The following APBB3 variants were observed in gnomAD, a reference collection of about 807,000 sequenced individuals.
The protein encoded by APBB3 is amyloid beta precursor protein binding family B member 3.
Under a neutral mutation model 61.5 loss-of-function variants are expected in APBB3, and 50 were observed. That is an observed-to-expected ratio of 0.81 (90% CI 0.65 to 1.03). The LOEUF (loss-of-function observed/expected upper bound fraction) is 1.03, where lower values mean the gene tolerates loss of function less well. Ranked by LOEUF, APBB3 falls within the 50% of genes least tolerant of loss-of-function variation. The pLI, the probability that APBB3 is intolerant of heterozygous loss-of-function variation, is 0.00. For missense variants in APBB3, 550 were observed against 637.4 expected, an observed-to-expected ratio of 0.86 and a Z score of 1.48; for synonymous variants, 235 against 233.0, an observed-to-expected ratio of 1.01 and a Z score of -0.08.
chr5:140,558,888 G>C (rs1459936190), intron 12 of APBB3, 67 bp from the exon 13 acceptor site: 1 of 1,444,644 alleles, frequency 6.9e-7, no homozygotes, highest in African/African-American at 1.4e-5. Context: ...AGCTTCTGCA[G>C]GACAGGGAAC....
chr5:140,563,707 T>C lies in APBB3; in HGVS notation c.214-37A>G, dbSNP rs1462397240. 3.7e-6 allele frequency: 6 copies of C among 1,613,928 alleles called. No individual in the cohort carries two copies. The East Asian group carries it at 1.3e-4, about 36-fold the overall frequency. On this transcript the variant is annotated intron_variant, in intron 2 of 12. Transcript: ENST00000357560. ...GAGTTAGTCAGTTTAACAGCAGACC[T>C]AGGTCCACACATGGGCTCAGACCTC...
At position 140,564,373 on chromosome 5, in the gene APBB3, AATACGGGGCGGG is replaced by A; in HGVS notation, c.-140_-129del. On this transcript the variant is annotated 5_prime_UTR_variant, in exon 1 of 13. Transcript: ENST00000357560. This position sits in a 1 kb window ranked among gnomAD's most constrained non-coding sequence, Gnocchi z 5.0. Reference sequence around the variant, plus strand: ...CTGCGGGGCCAGCTGGCGCCGCACAAATACGGGGCGGGACACGGGGCGGGACACGGGCCGGTC... The same window carrying A: ...CTGCGGGGCCAGCTGGCGCCGCACAAACACGGGGCGGGACACGGGCCGGTC... 8.5e-7 allele frequency: 1 copy of A among 1,182,464 alleles called. No individual in the cohort carries two copies. The highest frequency in any genetic ancestry group is 1.2e-6 in the Non-Finnish European group (1 of 835,346). The allele number at this position is 1,182,464 out of a possible 1,614,324, so 73.2% of individuals were successfully genotyped here.
chr5:140,558,278 G>T lies in APBB3; in HGVS notation c.*307C>A. ...TATACTCACATCCAGTGAGGTCACT[G>T]AGGGATTTTTATTTGCACTGATTTT... is the stretch of plus-strand genomic sequence containing the variant. On this transcript the variant is annotated 3_prime_UTR_variant, in exon 13 of 13. Transcript: ENST00000357560. 1 of 423,950 alleles carries T rather than the reference G, an allele frequency of 2.4e-6. No individual in the cohort carries two copies. Among genetic ancestry groups the T allele is most frequent in the African/African-American group, 2.1e-5 (1 of 48,496 alleles). 26.3% of individuals were successfully genotyped at this position (423,950 alleles called of 1,614,324 possible).
chr5:140,563,470 G>A (rs1043860661), intron 3 of APBB3, 124 bp downstream of exon 3: 6 of 1,119,564 alleles, frequency 5.4e-6, no homozygotes, highest in Non-Finnish European at 8.0e-6. Context: ...AGCCAAGAAC[G>A]TAACAGAACC....
At position 140,560,760 on chromosome 5, in the gene APBB3, G is replaced by A. The variant is rs146122293; in HGVS notation, c.917-6C>T. The A allele has an allele frequency of 6.8e-4, 1,097 of 1,611,950 alleles. 9 individuals carry two copies. In the African/African-American group the frequency reaches 0.013, roughly 20 times the overall value. ...CTCGTTCAGCACATCCATGCCTGGG[G>A]GAACATACCCAGCGTGTCTCCCAGT... On this transcript the variant is annotated splice_region_variant and splice_polypyrimidine_tract_variant and intron_variant, in intron 10 of 12. Coordinates refer to ENST00000357560, the MANE Select transcript of APBB3 (RefSeq NM_133173.3). The surrounding 1 kb of genome is among the most constrained non-coding windows in gnomAD (Gnocchi z 5.1).
In APBB3 at chr5:140,560,531, A is replaced by G; in HGVS notation, c.1033-27T>C. 6.2e-7 allele frequency: 1 copy of G among 1,608,608 alleles called. No homozygotes were observed. Among genetic ancestry groups the G allele is most frequent in the East Asian group, 2.2e-5 (1 of 44,640 alleles). On this transcript the variant is annotated intron_variant, in intron 11 of 12. Coordinates refer to ENST00000357560, the MANE Select transcript of APBB3 (RefSeq NM_133173.3). The surrounding 1 kb of genome is among the most constrained non-coding windows in gnomAD (Gnocchi z 5.1). ...TGCCCACACCAGGCCTAGTCACTAG[A>G]GGGCCAAGCACGGGCCAGACCCACT...
Position 140,564,188 on chromosome 5 carries a change from C to G in APBB3, c.49+9G>C. 4.3e-6 allele frequency: 7 copies of G among 1,614,078 alleles called. No individual in the cohort carries two copies. The highest frequency in any genetic ancestry group is 4.2e-6 in the Non-Finnish European group (5 of 1,180,028). On this transcript the variant is annotated intron_variant, in intron 1 of 12. Transcript: ENST00000357560. This position sits in a 1 kb window ranked among gnomAD's most constrained non-coding sequence, Gnocchi z 5.0. ...TCCTGGTCTTCCCACCGGGCCCCTC[C>G]GTGCACACCATCGCAGTTGACCAGA...
Position 140,564,336 on chromosome 5 carries a change from C to G in APBB3, c.-91G>C. The G allele has an allele frequency of 6.6e-7, 1 of 1,516,296 alleles. No homozygotes were observed. The highest frequency in any genetic ancestry group is 9.0e-7 in the Non-Finnish European group (1 of 1,111,956). 93.9% of individuals were successfully genotyped at this position (1,516,296 alleles called of 1,614,324 possible). A position where few individuals can be genotyped will look rare whatever the true frequency, so the allele number is the denominator to read the frequency against. On this transcript the variant is annotated 5_prime_UTR_variant, in exon 1 of 13. Transcript: ENST00000357560. The surrounding 1 kb of genome is among the most constrained non-coding windows in gnomAD (Gnocchi z 5.0). ...TACTGCGCCTGCAAGCCCAGCCTCT[C>G]TGCGCCGCAGGCTGCGGGGCCAGCT...
In APBB3 at chr5:140,558,601, A is replaced by G. The variant is rs145787718; in HGVS notation, c.1445T>C (p.Leu482Pro). The change falls in exon 13 of 13, where the codon CTG becomes CCG. Residue 482 changes from leucine (L) to proline (P), a missense_variant. Transcript: ENST00000357560. ...CAGATAAGTTTAGGGCATATGGAGC[A>G]GAGAGGGTTTCAGCCGGAAGGCATC... The part of the protein sequence containing the change: ...FLDAFRLKPS[L>P]LHMP 2 of 1,614,084 alleles carry G rather than the reference A, an allele frequency of 1.2e-6. No homozygotes were observed. Among genetic ancestry groups the G allele is most frequent in the Non-Finnish European group, 1.7e-6 (2 of 1,180,014 alleles).
Position 140,564,358 on chromosome 5 carries a change from A to G in APBB3, c.-113T>C. On this transcript the variant is annotated 5_prime_UTR_variant, in exon 1 of 13. Transcript: ENST00000357560. This position sits in a 1 kb window ranked among gnomAD's most constrained non-coding sequence, Gnocchi z 5.0. ...TCTCTGCGCCGCAGGCTGCGGGGCC[A>G]GCTGGCGCCGCACAAATACGGGGCG... is the stretch of plus-strand genomic sequence containing the variant. The G allele has an allele frequency of 3.0e-6, 4 of 1,336,522 alleles. No homozygotes were observed. Among genetic ancestry groups the G allele is most frequent in the Non-Finnish European group, 4.2e-6 (4 of 962,582 alleles). The allele number at this position is 1,336,522 out of a possible 1,614,324, so 82.8% of individuals were successfully genotyped here.
At chr5:140,562,768 A>G (rs748105061) in intron 3 of APBB3, 45 bp from the exon 4 acceptor site, 9 of 1,601,082 alleles carry the variant, frequency 5.6e-6, no homozygotes, top group Non-Finnish European at 7.7e-6. Flanking sequence ...TTCCTACAGT[A>G]GGGACACTGG....
Position 140,560,282 on chromosome 5 carries a change from T to TACCCCCC in APBB3, c.1224+30_1224+31insGGGGGGT. 2 of 1,596,722 alleles carry TACCCCCC rather than the reference T, an allele frequency of 1.3e-6. No individual in the cohort carries two copies. The highest frequency in any genetic ancestry group is 2.7e-5 in the African/African-American group (2 of 73,692). On this transcript the variant is annotated intron_variant, in intron 12 of 12. Coordinates refer to ENST00000357560, the MANE Select transcript of APBB3 (RefSeq NM_133173.3). This position sits in a 1 kb window ranked among gnomAD's most constrained non-coding sequence, Gnocchi z 5.1. ...ACAGTGGAGAGCAGCTGCAGGGCAA[T>TACCCCCC]CCCACCAACCCATTCCCACCCATGA...
At position 140,563,923 on chromosome 5, in the gene APBB3, A is replaced by G; in HGVS notation, c.50-8T>C. ...GGTCCCCCCACAAGTCATCTACAGG[A>G]ACACCGGATTAGAGAGGAGGGAGCA... On this transcript the variant is annotated splice_region_variant and splice_polypyrimidine_tract_variant and intron_variant, in intron 1 of 12. Coordinates refer to ENST00000357560, the MANE Select transcript of APBB3 (RefSeq NM_133173.3). 2 of 1,612,930 alleles carry G rather than the reference A, an allele frequency of 1.2e-6. No homozygotes were observed. The highest frequency in any genetic ancestry group is 1.7e-6 in the Non-Finnish European group (2 of 1,179,738).
Position 140,560,173 on chromosome 5 carries a change from A to G in APBB3, c.1224+140T>C. ...CAACTAATTAAAACTTACTAAAAAC[A>G]ACATGAGGGCCAAAACATTAATGAA... is the stretch of plus-strand genomic sequence containing the variant. On this transcript the variant is annotated intron_variant, in intron 12 of 12. Transcript: ENST00000357560. This position sits in a 1 kb window ranked among gnomAD's most constrained non-coding sequence, Gnocchi z 5.1. 1.1e-6 allele frequency: 1 copy of G among 918,582 alleles called. No homozygotes were observed. Among genetic ancestry groups the G allele is most frequent in the Non-Finnish European group, 1.6e-6 (1 of 618,298 alleles). The allele number at this position is 918,582 out of a possible 1,614,324, so 56.9% of individuals were successfully genotyped here. A position where few individuals can be genotyped will look rare whatever the true frequency, so the allele number is the denominator to read the frequency against.
intron 12 of APBB3, 34 bp from the exon 13 acceptor site, chr5:140,558,855 T>C (rs1480741699): frequency 1.3e-6 from 2 of 1,591,744 alleles, no homozygotes; most frequent in Non-Finnish European, 1.7e-6. Context: ...ATCCAGCTAC[T>C]TTCTGCCTCT....
Position 140,563,685 on chromosome 5 carries a change from T to G in APBB3, c.214-15A>C. On this transcript the variant is annotated splice_polypyrimidine_tract_variant and intron_variant, in intron 2 of 12. Coordinates refer to ENST00000357560, the MANE Select transcript of APBB3 (RefSeq NM_133173.3). Reference sequence around the variant, plus strand: ...CCCTCCGTTCCCTGTAGAGTGGGAGTTAGTCAGTTTAACAGCAGACCTAGG... The same window carrying G: ...CCCTCCGTTCCCTGTAGAGTGGGAGGTAGTCAGTTTAACAGCAGACCTAGG... 1 of 1,613,840 alleles carries G rather than the reference T, an allele frequency of 6.2e-7. No homozygotes were observed.
Position 140,560,983 on chromosome 5 carries a change from C to A in APBB3, c.916+35G>T. 6.2e-7 allele frequency: 1 copy of A among 1,604,778 alleles called. No individual in the cohort carries two copies. Among genetic ancestry groups the A allele is most frequent in the South Asian group, 1.1e-5 (1 of 90,830 alleles). On this transcript the variant is annotated intron_variant, in intron 10 of 12. Coordinates refer to ENST00000357560, the MANE Select transcript of APBB3 (RefSeq NM_133173.3). The surrounding 1 kb of genome is among the most constrained non-coding windows in gnomAD (Gnocchi z 5.1). ...CCTCACTCACCTTCCCCTTGCCTCACACAGCCCACCACATGCAGCCCCCTC... is the reference window on the plus strand; with the variant it reads ...CCTCACTCACCTTCCCCTTGCCTCAAACAGCCCACCACATGCAGCCCCCTC...
Position 140,564,080 on chromosome 5 carries a change from C to A in APBB3, c.49+117G>T. 1 of 1,497,080 alleles carries A rather than the reference C, an allele frequency of 6.7e-7. No individual in the cohort carries two copies. The allele number at this position is 1,497,080 out of a possible 1,614,324, so 92.7% of individuals were successfully genotyped here. A position where few individuals can be genotyped will look rare whatever the true frequency, so the allele number is the denominator to read the frequency against. On this transcript the variant is annotated intron_variant, in intron 1 of 12. Transcript: ENST00000357560. The surrounding 1 kb of genome is among the most constrained non-coding windows in gnomAD (Gnocchi z 5.0). ...ACATGTAAAGACCGGGTTCATTCGC[C>A]CCCTGGTCCCTACACAGAGAGGTAT...
chr5:140,560,247 G>T lies in APBB3; in HGVS notation c.1224+66C>A. On this transcript the variant is annotated intron_variant, in intron 12 of 12. Transcript: ENST00000357560. The surrounding 1 kb of genome is among the most constrained non-coding windows in gnomAD (Gnocchi z 5.1). Reference sequence around the variant, plus strand: ...TCTCTGAAGAGGCTGCCGACCCGGAGCCCAAGTAAACAGTGGAGAGCAGCT... The same window carrying T: ...TCTCTGAAGAGGCTGCCGACCCGGATCCCAAGTAAACAGTGGAGAGCAGCT... The T allele has an allele frequency of 6.5e-7, 1 of 1,541,874 alleles. No individual in the cohort carries two copies. Among genetic ancestry groups the T allele is most frequent in the South Asian group, 1.2e-5 (1 of 84,398 alleles).
Sources: allele counts gnomAD v4.1 joint callset, GRCh38; gene constraint gnomAD v4.1.1; non-coding constraint Gnocchi (gnomAD v3.1); transcripts MANE v1.5; gene names NCBI Gene and HGNC (gene_info 2026-07-23, HGNC 2026-07-21).